The following IL23R variants were observed in gnomAD, a reference collection of about 807,000 sequenced individuals.
IL23R encodes interleukin-23 receptor.
IL23R carries 34 observed loss-of-function variants against 56.9 expected under a neutral mutation model. The observed-to-expected ratio is 0.60, with a 90% CI of 0.45 to 0.80. IL23R has a LOEUF of 0.80. Among genes scored for constraint, IL23R ranks in the 30% least tolerant of loss-of-function variants. The probability of loss-of-function intolerance (pLI) is 0.00; values close to 1 mark genes in which losing one functional copy is unlikely to be tolerated. For missense variants in IL23R, 635 were observed against 730.0 expected (o/e 0.87, Z 1.50); for synonymous variants, 230 against 249.2 (o/e 0.92, Z 0.73).
At chr1:67,155,998 T>C (rs760772120) in intron 1 of IL23R, among the ~76,000 whole-genome samples, 2 of 152,168 alleles carry the variant, frequency 1.3e-5, no homozygotes, top group African/African-American at 2.4e-5. Context: ...TTTTTGTTGA[T>C]ATTGTTGTTG....
intron 1 of IL23R, among the ~76,000 whole-genome samples, chr1:67,157,618 A>G (rs1371087461): frequency 2.6e-5 from 4 of 152,240 alleles, no homozygotes; most frequent in African/African-American, 9.6e-5. Context: ...ACTCTTCGCC[A>G]TCTCCTGTCT....
At chr1:67,143,291 A>C (rs964823782) in intron 1 of IL23R, among the ~76,000 whole-genome samples, 4 of 152,204 alleles carry the variant, frequency 2.6e-5, no homozygotes, top group Non-Finnish European at 4.4e-5. Context: ...AGGTGAATTG[A>C]TAACGAATAT....
intron 9 of IL23R, among the ~76,000 whole-genome samples, chr1:67,243,839 T>G (rs1029843848): frequency 6.6e-6 from 1 of 152,220 alleles, no homozygotes; most frequent in African/African-American, 2.4e-5. Flanking sequence ...ATGGGATTGC[T>G]GGGTCAAATG....
At chr1:67,221,299 T>G (rs1650235195) in intron 7 of IL23R, among the ~76,000 whole-genome samples, 1 of 152,124 alleles carries the variant, frequency 6.6e-6, no homozygotes, top group Non-Finnish European at 1.5e-5. Flanking sequence ...CCAGCCTGGG[T>G]GACAGAGTGA....
intron 9 of IL23R, among the ~76,000 whole-genome samples, chr1:67,240,987 A>C (rs1362987068): frequency 6.6e-6 from 1 of 152,198 alleles, no homozygotes; most frequent in Non-Finnish European, 1.5e-5. Flanking sequence ...ATTGGCCAAG[A>C]CTCAGCTATT....
intron 1 of IL23R, among the ~76,000 whole-genome samples, chr1:67,141,385 T>A (rs976630145): frequency 1.3e-5 from 2 of 152,198 alleles, no homozygotes; most frequent in African/African-American, 4.8e-5. Context: ...AAAGACTTTT[T>A]TCTTCTTGTG....
chr1:67,200,953 G>A (rs1341847670), intron 5 of IL23R, 56 bp downstream of exon 5: 3 of 1,538,064 alleles, frequency 2.0e-6, no homozygotes, highest in Non-Finnish European at 1.8e-6. Context: ...TGCTGACCTT[G>A]TCAAATGAGG....
intron 6 of IL23R, among the ~76,000 whole-genome samples, chr1:67,209,880 G>A (rs1452754513): frequency 6.6e-6 from 1 of 152,130 alleles, no homozygotes; most frequent in East Asian, 1.9e-4. Context: ...ACAAAGCTCC[G>A]ACTAAGAGGA....
intron 3 of IL23R, among the ~76,000 whole-genome samples, chr1:67,177,527 C>T (rs1042056292): frequency 6.6e-6 from 1 of 151,914 alleles, no homozygotes; most frequent in African/African-American, 2.4e-5. Context: ...AGCCCTTTGT[C>T]AGATGAGTAG....
intron 6 of IL23R, 173 bp downstream of exon 6, chr1:67,207,228 C>T (rs7539643): frequency 0.32 from 247,129 of 768,946 alleles, 43,912 homozygotes; most frequent in South Asian, 0.55. Flanking sequence ...ATTTTAGATT[C>T]GGGGGCACAT....
chr1:67,248,174 G>C (rs1652367531), intron 9 of IL23R, among the ~76,000 whole-genome samples: 1 of 152,080 alleles, frequency 6.6e-6, no homozygotes, highest in African/African-American at 2.4e-5. Flanking sequence ...TGCTAGGTTG[G>C]GGAAGTTCTC....
At chr1:67,205,873 A>ATCTTTCTTTCTTTCTTTCTT (rs200498214) in intron 5 of IL23R, among the ~76,000 whole-genome samples, 55 of 139,204 alleles carry the variant, frequency 4.0e-4, no homozygotes, top group African/African-American at 8.5e-4. Context: ...TTGAACATCC[A>ATCTTTCTTTCTTTCTTTCTT]TCTTTCTTTC....
At chr1:67,148,423 G>T (rs1646701243) in intron 1 of IL23R, among the ~76,000 whole-genome samples, 2 of 152,232 alleles carry the variant, frequency 1.3e-5, no homozygotes, top group Non-Finnish European at 2.9e-5. Context: ...CTCCCGCTAT[G>T]CGCTCAGGCG....
rs770719728 is a variant in IL23R at position 67,206,772 on chromosome 1, T to C, written c.653-138T>C. The C allele has an allele frequency of 3.6e-5, 35 of 968,656 alleles. No homozygotes were observed. The South Asian group carries it at 4.3e-4, about 12-fold the overall frequency. The allele number at this position is 968,656 out of a possible 1,614,324, so 60.0% of individuals were successfully genotyped here. On this transcript the variant is annotated intron_variant, in intron 5 of 10. Coordinates refer to ENST00000347310, the MANE Select transcript of IL23R (RefSeq NM_144701.3). ...AAATTAGCAAATAAGAAAATGTCCATAATTGTTCATTAGACCATGAATTTT... is the reference window on the plus strand; with the variant it reads ...AAATTAGCAAATAAGAAAATGTCCACAATTGTTCATTAGACCATGAATTTT...
chr1:67,172,623 C>T (rs1483656351), intron 3 of IL23R, among the ~76,000 whole-genome samples: 1 of 152,184 alleles, frequency 6.6e-6, no homozygotes, highest in Non-Finnish European at 1.5e-5. Context: ...AGTCATGTTT[C>T]CACTTAATCA....
intron 3 of IL23R, among the ~76,000 whole-genome samples, chr1:67,180,233 T>C (rs34834374): frequency 6.6e-6 from 1 of 152,160 alleles, no homozygotes; most frequent in African/African-American, 2.4e-5. Flanking sequence ...AAGTCTCCCA[T>C]TATTATTGTG....
rs893988500 is a variant in IL23R, at chr1:67,200,398, T to C, written c.492-339T>C. On this transcript the variant is annotated intron_variant, in intron 4 of 10. Coordinates refer to ENST00000347310, the MANE Select transcript of IL23R (RefSeq NM_144701.3). The stretch of plus-strand genomic sequence containing the variant: ...GAATAATTAATTCAAACTTTTTTTC[T>C]TTTTTTTTTTTTTGAGACAGAGTCT... Among the ~76,000 whole-genome samples, 4 of 141,982 alleles carry C rather than the reference T, an allele frequency of 2.8e-5. No individual in the cohort carries two copies. The East Asian group carries it at 8.0e-4, about 28-fold the overall frequency. 93.1% of individuals were successfully genotyped at this position (141,982 alleles called of 152,430 possible).
intron 1 of IL23R, among the ~76,000 whole-genome samples, chr1:67,167,089 A>G (rs998155294): frequency 1.3e-5 from 2 of 152,168 alleles, no homozygotes; most frequent in African/African-American, 4.8e-5. Context: ...TCTACAGATG[A>G]AAGGCTTTTT....
At chr1:67,210,400 T>C (rs921197842) in intron 6 of IL23R, among the ~76,000 whole-genome samples, 4 of 152,176 alleles carry the variant, frequency 2.6e-5, no homozygotes, top group African/African-American at 9.7e-5. Context: ...CGTAACAAAC[T>C]GCCATTTAGT....
Sources: gnomAD v4.1 joint callset for allele counts (sites outside exome capture counted in the v4.1 genomes callset) on GRCh38, gnomAD v4.1.1 for gene constraint, MANE v1.5 for transcripts, NCBI Gene and HGNC (gene_info 2026-07-23, HGNC 2026-07-21) for gene names.